SAMD5: variants seen among roughly 807,000 people sequenced by gnomAD.
SAMD5 encodes sterile alpha motif domain-containing protein 5.
Under a neutral mutation model 11.3 loss-of-function variants are expected in SAMD5, and 13 were observed. The ratio of observed to expected loss-of-function variants is 1.15; its 90% CI spans 0.75 to 1.83. The LOEUF (loss-of-function observed/expected upper bound fraction) is 1.83, where lower values mean the gene tolerates loss of function less well. Ranked by LOEUF, SAMD5 falls within the 40% of genes most tolerant of loss-of-function variation. The pLI, the probability that SAMD5 is intolerant of heterozygous loss-of-function variation, is 0.00. For missense variants in SAMD5, 255 were observed against 239.1 expected (o/e 1.07, Z -0.44); for synonymous variants, 129 against 111.3 (o/e 1.16, Z -1.00).
the SAMD5 span, among the ~76,000 whole-genome samples, chr6:147,915,344 A>T: frequency 6.6e-6 from 1 of 152,256 alleles, no homozygotes; most frequent in African/African-American, 2.4e-5. Flanking sequence ...AAGCAAATGA[A>T]GTCAACGTTA....
chr6:147,508,913 G>A lies in SAMD5; in HGVS notation c.-16G>A, dbSNP rs756210346. Reference sequence around the variant, plus strand: ...GCGCTGGGAAGGTGCTCGGCGGCGGGGTTCCCGGTCCCACCATGTGCACCA... The same window carrying A: ...GCGCTGGGAAGGTGCTCGGCGGCGGAGTTCCCGGTCCCACCATGTGCACCA... On this transcript the variant is annotated 5_prime_UTR_variant, in exon 1 of 2. Coordinates refer to ENST00000367474, the MANE Select transcript of SAMD5 (RefSeq NM_001030060.3). 6.3e-7 allele frequency: 1 copy of A among 1,584,840 alleles called. No individual in the cohort carries two copies. The highest frequency in any genetic ancestry group is 1.1e-5 in the South Asian group (1 of 87,270).
chr6:147,896,700 T>TA, the SAMD5 span, among the ~76,000 whole-genome samples: 42,215 of 144,802 alleles, frequency 0.29, 8,636 homozygotes, highest in African/African-American at 0.58. Context: ...GGGAGTTTTT[T>TA]TAAAAAAATT....
chr6:147,675,970 C>T (rs1490096496), intron 1 of SAMD5: 1 of 152,204 alleles, frequency 6.6e-6, no homozygotes, highest in East Asian at 1.9e-4. Flanking sequence ...TTCAATATAT[C>T]AACACCAAGC....
intron 1 of SAMD5, among the ~76,000 whole-genome samples, chr6:147,527,812 T>A (rs561423720): frequency 1.1e-4 from 17 of 152,272 alleles, no homozygotes; most frequent in African/African-American, 4.1e-4. Context: ...AGGTTTTTTT[T>A]ATAAAGAGGT....
At chr6:147,530,591 C>T (rs1441442307) in intron 1 of SAMD5, among the ~76,000 whole-genome samples, 3 of 152,218 alleles carry the variant, frequency 2.0e-5, no homozygotes, top group Non-Finnish European at 2.9e-5. Flanking sequence ...TGTGGTTTTG[C>T]TTTTTGTCTT....
chr6:147,892,844 T>TA, the SAMD5 span, among the ~76,000 whole-genome samples: 294 of 152,090 alleles, frequency 1.9e-3, 3 homozygotes, highest in East Asian at 0.012. Flanking sequence ...TCTCTTCATT[T>TA]AAAAAAAATA....
chr6:147,559,957 G>C (rs763296652), intron 1 of SAMD5, among the ~76,000 whole-genome samples: 31 of 152,274 alleles, frequency 2.0e-4, no homozygotes, highest in Non-Finnish European at 3.4e-4. Flanking sequence ...TGATTGTTAA[G>C]ACACATATGG....
At chr6:147,666,092 A>C (rs952212475) in intron 1 of SAMD5, among the ~76,000 whole-genome samples, 1 of 152,032 alleles carries the variant, frequency 6.6e-6, no homozygotes, top group African/African-American at 2.4e-5. Flanking sequence ...GCGCCCGCCA[A>C]CATGCCTGGC....
At chr6:147,718,690 G>T (rs199796194) in intron 1 of SAMD5, among the ~76,000 whole-genome samples, 6 of 151,396 alleles carry the variant, frequency 4.0e-5, no homozygotes, top group African/African-American at 7.3e-5. Context: ...GCTCTTTCTC[G>T]TTTTTTTTCT....
At chr6:147,944,504 G>C in the SAMD5 span, among the ~76,000 whole-genome samples, 1 of 152,248 alleles carries the variant, frequency 6.6e-6, no homozygotes, top group South Asian at 2.1e-4. Context: ...ACCTCCCACC[G>C]GTTTCCTCCC....
intron 1 of SAMD5, among the ~76,000 whole-genome samples, chr6:147,601,564 A>G (rs1789615215): frequency 6.6e-6 from 1 of 152,224 alleles, no homozygotes; most frequent in Admixed American, 6.5e-5. Flanking sequence ...CACTTTGATC[A>G]GACCTTCCCA....
intron 1 of SAMD5, among the ~76,000 whole-genome samples, chr6:147,603,910 G>T (rs946363289): frequency 2.6e-5 from 4 of 152,140 alleles, no homozygotes; most frequent in Non-Finnish European, 5.9e-5. Flanking sequence ...GTCTCTGTAT[G>T]CTTCTAGCTT....
the SAMD5 span, among the ~76,000 whole-genome samples, chr6:147,762,205 T>A: frequency 6.6e-6 from 1 of 152,072 alleles, no homozygotes; most frequent in African/African-American, 2.4e-5. Context: ...GCAAAAGCAA[T>A]TATTTTATTT....
At chr6:147,825,779 A>G in the SAMD5 span, among the ~76,000 whole-genome samples, 1 of 152,258 alleles carries the variant, frequency 6.6e-6, no homozygotes, top group African/African-American at 2.4e-5. Context: ...AAAGAAAGTC[A>G]TCTACTAGTA....
chr6:147,676,637 A>G (rs572868430), intron 1 of SAMD5, among the ~76,000 whole-genome samples: 1 of 152,310 alleles, frequency 6.6e-6, no homozygotes, highest in African/African-American at 2.4e-5. Context: ...CATGCCTGGC[A>G]CATTGTAGGC....
the SAMD5 span, among the ~76,000 whole-genome samples, chr6:147,784,836 A>G: frequency 6.6e-6 from 1 of 152,246 alleles, no homozygotes; most frequent in Non-Finnish European, 1.5e-5. Flanking sequence ...AGTCAATAGC[A>G]CTAGCTAAAA....
the SAMD5 span, among the ~76,000 whole-genome samples, chr6:147,924,543 G>T: frequency 1.3e-5 from 2 of 151,860 alleles, no homozygotes; most frequent in African/African-American, 4.8e-5. Flanking sequence ...TATGAAGATG[G>T]TCAACTAAAT....
At chr6:147,646,738 T>C (rs1350201452) in intron 1 of SAMD5, among the ~76,000 whole-genome samples, 1 of 152,130 alleles carries the variant, frequency 6.6e-6, no homozygotes, top group Non-Finnish European at 1.5e-5. Flanking sequence ...AAACTTGAAA[T>C]TTCACTTTGG....
the SAMD5 span, among the ~76,000 whole-genome samples, chr6:147,872,088 A>G: frequency 8.5e-5 from 13 of 152,218 alleles, no homozygotes; most frequent in African/African-American, 2.2e-4. Context: ...AACACACTAT[A>G]TTAGTATTAG....
Sources: gnomAD v4.1 joint callset for allele counts (sites outside exome capture counted in the v4.1 genomes callset) on GRCh38, gnomAD v4.1.1 for gene constraint, MANE v1.5 for transcripts, NCBI Gene and HGNC (gene_info 2026-07-23, HGNC 2026-07-21) for gene names.